Variants in CD207 observed in about 807,000 individuals in gnomAD.
The protein encoded by CD207 is C-type lectin domain family 4 member K.
In CD207, 28 loss-of-function variants were observed where a neutral mutation model predicts 31.6. That is an observed-to-expected ratio of 0.89 (90% confidence interval 0.66 to 1.21). CD207 has a LOEUF of 1.21. Ranked by LOEUF, CD207 falls within the 50% of genes most tolerant of loss-of-function variation. The probability of loss-of-function intolerance (pLI) is 0.00; values close to 1 mark genes in which losing one functional copy is unlikely to be tolerated. For synonymous variants in CD207, 168 were observed against 153.9 expected (o/e 1.09, Z -0.68); for missense variants, 388 against 397.8 (o/e 0.98, Z 0.21).
chr2:70,834,125 C>T (rs1309229674), intron 2 of CD207, 105 bp from the exon 3 acceptor site: 3 of 1,109,626 alleles, frequency 2.7e-6, no homozygotes, highest in Middle Eastern at 6.0e-4. Flanking sequence ...CTGAAGCTTC[C>T]CAAAGAACCA....
At chr2:70,831,467 C>G (rs767159109) in intron 5 of CD207, among the ~76,000 whole-genome samples, 5 of 152,224 alleles carry the variant, frequency 3.3e-5, no homozygotes, top group Non-Finnish European at 7.3e-5. Context: ...GACAAGATCC[C>G]TGAAGCTGGC....
At chr2:70,827,092 T>G (rs1677363002), downstream of CD207, among the ~76,000 whole-genome samples, 1 of 152,058 alleles carries the variant, frequency 6.6e-6, no homozygotes, top group African/African-American at 2.4e-5. Context: ...CCTGTCACAC[T>G]CCTTCTCTGC....
At chr2:70,834,813 T>C (rs1358318562) in intron 2 of CD207, among the ~76,000 whole-genome samples, 5 of 152,066 alleles carry the variant, frequency 3.3e-5, no homozygotes, top group Admixed American at 2.0e-4. Context: ...CAACAGCTTC[T>C]TGGGTCCCTT....
At chr2:70,825,307 C>T (rs868979239), downstream of CD207, among the ~76,000 whole-genome samples, 1 of 152,088 alleles carries the variant, frequency 6.6e-6, no homozygotes, top group African/African-American at 2.4e-5. Flanking sequence ...CTAAATGTAA[C>T]GTGGTATTCT....
intron 5 of CD207, 146 bp from the exon 6 acceptor site, chr2:70,831,346 G>A (rs782340731): frequency 2.4e-5 from 19 of 806,022 alleles, no homozygotes; most frequent in Non-Finnish European, 3.7e-5. Flanking sequence ...CAGAGGAAGG[G>A]GACTGGTGAG....
At chr2:70,829,746 GT>G (rs1677423209), downstream of CD207, among the ~76,000 whole-genome samples, 1 of 152,122 alleles carries the variant, frequency 6.6e-6, no homozygotes, top group African/African-American at 2.4e-5. Context: ...CACACTGCTG[GT>G]TACAGTTATT....
intron 5 of CD207, 59 bp downstream of exon 5, chr2:70,831,642 T>A: frequency 9.7e-7 from 1 of 1,030,252 alleles, no homozygotes; most frequent in Non-Finnish European, 1.5e-6. Context: ...CCCACTCCCT[T>A]CATGCCCTGG....
chr2:70,835,299 A>G (rs909506117), intron 2 of CD207, among the ~76,000 whole-genome samples, 192 bp downstream of exon 2: 2 of 152,218 alleles, frequency 1.3e-5, no homozygotes, highest in Non-Finnish European at 2.9e-5. Flanking sequence ...AGAAATTGGG[A>G]GGGAAAGAGC....
chr2:70,831,560 T>A (rs1200206169), intron 5 of CD207, 141 bp downstream of exon 5: 4 of 671,712 alleles, frequency 6.0e-6, no homozygotes, highest in Non-Finnish European at 1.1e-5. Context: ...TTGTGCTCGA[T>A]CTTGGTTGCA....
chr2:70,824,631 A>G, the CD207 span, among the ~76,000 whole-genome samples: 1 of 149,250 alleles, frequency 6.7e-6, no homozygotes, highest in Non-Finnish European at 1.5e-5. Flanking sequence ...CCAAAAAAAA[A>G]AAAAAAAAAA....
At chr2:70,828,488 T>C (rs1553399181), downstream of CD207, among the ~76,000 whole-genome samples, 1 of 152,084 alleles carries the variant, frequency 6.6e-6, no homozygotes, top group African/African-American at 2.4e-5. Context: ...ATGGTTGGGG[T>C]CAGGAGCACA....
In CD207 at chr2:70,831,212, G is replaced by A. The variant is rs781853397; in HGVS notation, c.837-12C>T. 63 of 1,590,768 alleles carry A rather than the reference G, an allele frequency of 4.0e-5. No individual in the cohort carries two copies. The highest frequency in any genetic ancestry group is 8.2e-5 in the African/African-American group (6 of 73,592). ...CTGGAATCCAGAACCTACCAAGAGCGGGGAAAAAGATGGATTTACAAAGTG... is the reference window on the plus strand; with the variant it reads ...CTGGAATCCAGAACCTACCAAGAGCAGGGAAAAAGATGGATTTACAAAGTG... On this transcript the variant is annotated splice_polypyrimidine_tract_variant and intron_variant, in intron 5 of 5. Coordinates refer to ENST00000410009, the MANE Select transcript of CD207 (RefSeq NM_015717.5).
At chr2:70,831,850 G>C in intron 4 of CD207, 31 bp from the exon 5 acceptor site, 1 of 1,367,442 alleles carries the variant, frequency 7.3e-7, no homozygotes, top group Non-Finnish European at 1.0e-6. Context: ...GCAGAGGTGC[G>C]GCCACACTTG....
chr2:70,833,927 A>G lies in CD207; in HGVS notation c.284T>C (p.Ile95Thr), dbSNP rs997258205. ...VDNISTLDSEIKKNSDGMEAA... is the reference protein window; with the variant it reads ...VDNISTLDSETKKNSDGMEAA... Reference sequence around the variant, plus strand: ...CTCCATGCCGTCACTATTCTTTTTAATTTCAGAATCCAGGGTGCTGATGTT... The same window carrying G: ...CTCCATGCCGTCACTATTCTTTTTAGTTTCAGAATCCAGGGTGCTGATGTT... The change falls in exon 3 of 6, where the codon ATT becomes ACT. Residue 95 changes from isoleucine (I) to threonine (T), a missense_variant. Ile to Thr is a moderately conservative substitution (Grantham distance 89). Transcript: ENST00000410009. The G allele has an allele frequency of 3.8e-6, 6 of 1,589,938 alleles. No homozygotes were observed. The highest frequency in any genetic ancestry group is 5.1e-6 in the Non-Finnish European group (6 of 1,167,014).
chr2:70,833,193 T>C, intron 3 of CD207, 142 bp from the exon 4 acceptor site: 1 of 701,190 alleles, frequency 1.4e-6, no homozygotes, highest in East Asian at 2.7e-5. Context: ...TATAGGAGAT[T>C]AGGGACACTC....
At position 70,833,777 on chromosome 2, in the gene CD207, T is replaced by C. The variant is rs376864018; in HGVS notation, c.434A>G (p.Glu145Gly). The change falls in exon 3 of 6, where the codon GAA (glutamate) becomes GGA (glycine). Residue 145 changes from glutamate to glycine, a missense_variant. By Grantham distance (98) the Glu-to-Gly change is moderately conservative (BLOSUM62 -2). Coordinates refer to ENST00000410009, the MANE Select transcript of CD207 (RefSeq NM_015717.5). ...TTGGGCATTTAAGGTACTGACTTCT[T>C]CCCAACTTCTTGTTAAGATCTGGAT... Reference protein sequence around the residue: ...AQIQILTRSWEEVSTLNAQIP... With the variant: ...AQIQILTRSWGEVSTLNAQIP... The C allele has an allele frequency of 6.8e-6, 11 of 1,613,920 alleles. No homozygotes were observed. Among genetic ancestry groups the C allele is most frequent in the Middle Eastern group, 1.6e-4 (1 of 6,084 alleles).
At position 70,832,949 on chromosome 2, in the gene CD207, C is replaced by T. The variant is rs549565679; in HGVS notation, c.668G>A (p.Cys223Tyr). The change falls in exon 4 of 6, where the codon TGT becomes TAT. Residue 223 changes from cysteine to tyrosine, a missense_variant. By Grantham distance (194) the Cys-to-Tyr change is radical. Transcript: ENST00000410009. The part of the protein sequence containing the change: ...PKTWYSAEQF[C>Y]VSRNSHLTSV... ...GGTCAGGTGTGAATTCCTGGACACA[C>T]AGAACTGCTCGGCACTATACCAGGT... 24 of 1,613,894 alleles carry T rather than the reference C, an allele frequency of 1.5e-5. No individual in the cohort carries two copies. Among genetic ancestry groups the T allele is most frequent in the African/African-American group, 2.7e-5 (2 of 74,938 alleles).
chr2:70,824,151 C>A, the CD207 span, among the ~76,000 whole-genome samples: 4 of 151,914 alleles, frequency 2.6e-5, no homozygotes, highest in South Asian at 8.3e-4. Flanking sequence ...TAATCCAGGA[C>A]ATTTTATTTA....
chr2:70,827,731 G>A (rs958763398), downstream of CD207, among the ~76,000 whole-genome samples: 1 of 151,788 alleles, frequency 6.6e-6, no homozygotes. Context: ...CATACAATAT[G>A]AGAAAAAGAG....
Sources: gnomAD v4.1 joint callset for allele counts (sites outside exome capture counted in the v4.1 genomes callset) on GRCh38, gnomAD v4.1.1 for gene constraint, MANE v1.5 for transcripts, NCBI Gene and HGNC (gene_info 2026-07-23, HGNC 2026-07-21) for gene names.